Variants in RANBP2 observed in about 807,000 individuals in gnomAD.
The protein encoded by RANBP2 is RAN binding protein 2.
A neutral mutation model predicts 303.6 loss-of-function variants in RANBP2; 57 were observed. The ratio of observed to expected loss-of-function variants is 0.19; its 90% CI spans 0.15 to 0.23. RANBP2 has a LOEUF of 0.23. RANBP2 is among the 10% of genes least tolerant of loss of function. The probability of loss-of-function intolerance (pLI) is 1.00; values close to 1 mark genes in which losing one functional copy is unlikely to be tolerated. For missense variants in RANBP2, 3,138 were observed against 3,780.8 expected, an observed-to-expected ratio of 0.83 and a Z score of 4.46; for synonymous variants, 1,167 against 1,301.5, an observed-to-expected ratio of 0.90 and a Z score of 2.23.
chr2:109,015,412 C>T, the RANBP2 span, among the ~76,000 whole-genome samples: 2 of 152,068 alleles, frequency 1.3e-5, no homozygotes, highest in Non-Finnish European at 2.9e-5. Context: ...ATTTTCTCTC[C>T]CTTATGCTTT....
chr2:109,149,426 A>C, the RANBP2 span, among the ~76,000 whole-genome samples: 1 of 152,218 alleles, frequency 6.6e-6, no homozygotes, highest in African/African-American at 2.4e-5. Flanking sequence ...AGTCATTTGC[A>C]CTTCTAAACC....
the RANBP2 span, among the ~76,000 whole-genome samples, chr2:109,636,708 T>C: frequency 6.6e-6 from 1 of 152,022 alleles, no homozygotes; most frequent in Non-Finnish European, 1.5e-5. Flanking sequence ...GAGGCTGAGG[T>C]GGGCGGATCT....
At chr2:109,364,380 C>CTAG in the RANBP2 span, among the ~76,000 whole-genome samples, 4 of 152,186 alleles carry the variant, frequency 2.6e-5, no homozygotes, top group Non-Finnish European at 4.4e-5. Context: ...TACATGCTGT[C>CTAG]TAGTTCAAAC....
the RANBP2 span, among the ~76,000 whole-genome samples, chr2:109,363,443 C>T: frequency 0.01 from 1,565 of 152,248 alleles, 15 homozygotes; most frequent in Non-Finnish European, 0.017. Context: ...AACACACACA[C>T]ATAAGCATAA....
intron 4 of RANBP2, 112 bp from the exon 5 acceptor site, chr2:108,735,420 G>C: frequency 6.3e-7 from 1 of 1,586,270 alleles, no homozygotes; most frequent in Non-Finnish European, 8.5e-7. Flanking sequence ...TGGTGTTTTT[G>C]GTGGCATCAT....
chr2:108,909,614 T>C, the RANBP2 span, among the ~76,000 whole-genome samples: 3 of 152,226 alleles, frequency 2.0e-5, no homozygotes, highest in Admixed American at 6.5e-5. Context: ...GGCAGAGGCC[T>C]GGCAGGGGGG....
the RANBP2 span, among the ~76,000 whole-genome samples, chr2:109,698,819 T>C: frequency 6.6e-6 from 1 of 152,036 alleles, no homozygotes; most frequent in African/African-American, 2.4e-5. Flanking sequence ...CCCAGCTACT[T>C]GGGAGGCTGA....
the RANBP2 span, among the ~76,000 whole-genome samples, chr2:108,824,930 G>A: frequency 1.1e-4 from 17 of 152,156 alleles, no homozygotes; most frequent in Admixed American, 3.3e-4. Context: ...TATGCAGTGC[G>A]TGACTGTGTA....
the RANBP2 span, among the ~76,000 whole-genome samples, chr2:109,703,307 G>A: frequency 3.6e-4 from 55 of 152,226 alleles, no homozygotes; most frequent in Non-Finnish European, 7.2e-4. Context: ...CCACTGAGCT[G>A]TGTTGTGCAA....
chr2:109,192,749 A>G, the RANBP2 span, among the ~76,000 whole-genome samples: 1 of 152,364 alleles, frequency 6.6e-6, no homozygotes, highest in Middle Eastern at 3.4e-3. Flanking sequence ...TGGGGCTTCC[A>G]GTGCAGCCAC....
intron 25 of RANBP2, among the ~76,000 whole-genome samples, chr2:108,779,960 C>T (rs772093199): frequency 1.3e-5 from 2 of 152,090 alleles, no homozygotes; most frequent in Admixed American, 6.5e-5. Flanking sequence ...TTGGAAGTAG[C>T]AGGTTTGGCC....
the RANBP2 span, among the ~76,000 whole-genome samples, chr2:109,103,928 G>T: frequency 1.3e-5 from 2 of 151,884 alleles, no homozygotes; most frequent in East Asian, 3.9e-4. Context: ...AAAGTAGCTG[G>T]GACTACAGGC....
At position 108,765,098 on chromosome 2, in the gene RANBP2, C is replaced by T. The variant is rs137881182; in HGVS notation, c.4559C>T (p.Ser1520Phe). ...LPATSIPTPA[S>F]FKFGTSETSK... ...GCTACTTCTATTCCAACACCTGCCT[C>T]TTTTAAGTTTGGTACTTCAGAGACA... Residue 1520 changes from serine (S) to phenylalanine (F), a missense_variant, in exon 20 of 29, where the codon TCT becomes TTT. By Grantham distance (155) the Ser-to-Phe change is radical. Coordinates refer to ENST00000283195, the MANE Select transcript of RANBP2 (RefSeq NM_006267.5). 3.7e-6 allele frequency: 6 copies of T among 1,613,930 alleles called. No individual in the cohort carries two copies. Among genetic ancestry groups the T allele is most frequent in the African/African-American group, 1.3e-5 (1 of 74,892 alleles).
the RANBP2 span, among the ~76,000 whole-genome samples, chr2:109,330,235 G>A: frequency 6.6e-6 from 1 of 152,166 alleles, no homozygotes; most frequent in East Asian, 1.9e-4. Context: ...CAACTCTGTG[G>A]GTTGCAGAAA....
the RANBP2 span, among the ~76,000 whole-genome samples, chr2:109,397,730 C>T: frequency 6.6e-6 from 1 of 152,212 alleles, no homozygotes; most frequent in Non-Finnish European, 1.5e-5. Context: ...CCTGGGCTGC[C>T]CCTCCCAGCC....
the RANBP2 span, among the ~76,000 whole-genome samples, chr2:108,971,952 G>A: frequency 1.3e-5 from 2 of 152,336 alleles, no homozygotes; most frequent in South Asian, 2.1e-4. Context: ...GGGCAACAGA[G>A]GAGCAGCCGT....
chr2:109,733,343 T>C, the RANBP2 span, among the ~76,000 whole-genome samples: 2 of 152,112 alleles, frequency 1.3e-5, no homozygotes, highest in African/African-American at 2.4e-5. Flanking sequence ...ATCATCTCAA[T>C]TGACATGGAA....
Position 108,766,992 on chromosome 2 carries a change from T to C in RANBP2, c.6453T>C (p.Leu2151=). The change falls in exon 20 of 29, where the codon CTT becomes CTC. Residue 2151 remains leucine (L), a synonymous_variant. Coordinates refer to ENST00000283195, the MANE Select transcript of RANBP2 (RefSeq NM_006267.5). ...ECQRLLLDIP[L]QTPHKLVDTG... ...AGCGGCTTCTGTTAGACATACCACTTCAAACTCCCCATAAACTTGTAGATA... is the reference window on the plus strand; with the variant it reads ...AGCGGCTTCTGTTAGACATACCACTCCAAACTCCCCATAAACTTGTAGATA... The C allele has an allele frequency of 6.2e-7, 1 of 1,609,498 alleles. No homozygotes were observed.
At chr2:109,135,331 A>C in the RANBP2 span, among the ~76,000 whole-genome samples, 1 of 152,152 alleles carries the variant, frequency 6.6e-6, no homozygotes, top group South Asian at 2.1e-4. Flanking sequence ...AAGGAGGGGA[A>C]GGGGTGGTGG....
Sources: gnomAD v4.1 joint callset for allele counts (sites outside exome capture counted in the v4.1 genomes callset) on GRCh38, gnomAD v4.1.1 for gene constraint, MANE v1.5 for transcripts, NCBI Gene and HGNC (gene_info 2026-07-23, HGNC 2026-07-21) for gene names.